TRERF1: variants seen among roughly 807,000 people sequenced by gnomAD.
TRERF1 encodes the protein transcriptional regulating factor 1, also known as transcriptional-regulating factor 1.
In TRERF1, 27 loss-of-function variants were observed where a neutral mutation model predicts 122.9. The observed-to-expected ratio is 0.22, with a 90% confidence interval of 0.16 to 0.30. The LOEUF (loss-of-function observed/expected upper bound fraction) is 0.30. Ranked by LOEUF, TRERF1 falls within the 10% of genes least tolerant of loss-of-function variation. The pLI, the probability that TRERF1 is intolerant of heterozygous loss-of-function variation, is 1.00. For synonymous variants in TRERF1, 636 were observed against 641.7 expected (o/e 0.99, Z 0.13); for missense variants, 1,248 against 1,560.3 (o/e 0.80, Z 3.37).
At chr6:42,260,369 T>G (rs901978632) in intron 8 of TRERF1, among the ~76,000 whole-genome samples, 11 of 152,222 alleles carry the variant, frequency 7.2e-5, no homozygotes, top group African/African-American at 2.6e-4. Context: ...CGTAGCTTAT[T>G]TGTAGCAAAC....
At chr6:42,280,307 G>A (rs983206099) in intron 4 of TRERF1, among the ~76,000 whole-genome samples, 1 of 152,188 alleles carries the variant, frequency 6.6e-6, no homozygotes, top group Non-Finnish European at 1.5e-5. Context: ...AGGACTTCCT[G>A]AGTCGCTCCC....
At chr6:42,340,305 C>A (rs1767005958) in intron 3 of TRERF1, among the ~76,000 whole-genome samples, 1 of 151,994 alleles carries the variant, frequency 6.6e-6, no homozygotes, top group African/African-American at 2.4e-5. Flanking sequence ...TGTTAAGTAC[C>A]CCCAAGACTA....
chr6:42,253,138 G>T (rs1394083136), intron 13 of TRERF1, among the ~76,000 whole-genome samples: 1 of 152,172 alleles, frequency 6.6e-6, no homozygotes, highest in African/African-American at 2.4e-5. Flanking sequence ...TTTGACTGGG[G>T]TGTGTGGCGC....
chr6:42,430,491 T>C (rs1434522229), intron 2 of TRERF1, among the ~76,000 whole-genome samples: 1 of 152,234 alleles, frequency 6.6e-6, no homozygotes, highest in Non-Finnish European at 1.5e-5. Flanking sequence ...GGCTCATGCC[T>C]GTAATCCCAG....
rs70987589 is a variant in TRERF1, at chr6:42,294,180, A to ATTTTT, written c.-259+6453_-259+6457dup. The stretch of plus-strand genomic sequence containing the variant: ...TAGGGGTAGCTCTAGCTATAATGTA[A>ATTTTT]TTTTTTTTTTTTTTTTTTTGAGACG... On this transcript the variant is annotated intron_variant, in intron 4 of 17. Coordinates refer to ENST00000372922, the Ensembl canonical transcript of TRERF1. Among the ~76,000 whole-genome samples the ATTTTT allele has an allele frequency of 5.1e-4, 66 of 129,144 alleles. 2 individuals carry two copies. Among genetic ancestry groups the ATTTTT allele is most frequent in the African/African-American group, 1.1e-3 (37 of 33,800 alleles). 84.7% of individuals were successfully genotyped at this position (129,144 alleles called of 152,430 possible). A position where few individuals can be genotyped will look rare whatever the true frequency, so the allele number is the denominator to read the frequency against.
intron 3 of TRERF1, among the ~76,000 whole-genome samples, chr6:42,321,576 CAAGT>C (rs1043831201): frequency 3.9e-4 from 60 of 152,264 alleles, no homozygotes; most frequent in African/African-American, 1.1e-3. Context: ...CAGCGTCATG[CAAGT>C]AAGTAAATAA....
At chr6:42,287,454 G>A (rs1211406201) in intron 4 of TRERF1, among the ~76,000 whole-genome samples, 1 of 152,058 alleles carries the variant, frequency 6.6e-6, no homozygotes, top group Non-Finnish European at 1.5e-5. Flanking sequence ...GGAGGAAGAG[G>A]CCCAAGTCCA....
At chr6:42,261,647 G>A (rs1401034816) in intron 8 of TRERF1, among the ~76,000 whole-genome samples, 1 of 152,180 alleles carries the variant, frequency 6.6e-6, no homozygotes, top group African/African-American at 2.4e-5. Context: ...CTGGCTAGGA[G>A]CCAAACTGAG....
chr6:42,307,464 T>C (rs1415976283), intron 3 of TRERF1, among the ~76,000 whole-genome samples: 1 of 152,128 alleles, frequency 6.6e-6, no homozygotes, highest in Non-Finnish European at 1.5e-5. Context: ...AATACAAAAT[T>C]CCACATTAAA....
chr6:42,325,165 C>T (rs961348986), intron 3 of TRERF1, among the ~76,000 whole-genome samples: 3 of 152,180 alleles, frequency 2.0e-5, no homozygotes, highest in Non-Finnish European at 4.4e-5. Flanking sequence ...TGCTCAACAT[C>T]GCTAATCATC....
intron 3 of TRERF1, among the ~76,000 whole-genome samples, chr6:42,358,753 G>T (rs1422347668): frequency 6.8e-6 from 1 of 147,468 alleles, no homozygotes; most frequent in African/African-American, 2.5e-5. Context: ...AAATAAAAAA[G>T]ACTGGGAGCC....
chr6:42,281,074 T>A (rs927891089), intron 4 of TRERF1, among the ~76,000 whole-genome samples: 2 of 152,128 alleles, frequency 1.3e-5, no homozygotes, highest in Non-Finnish European at 2.9e-5. Context: ...GGTCCTGCCC[T>A]TTCTGGGTTT....
intron 2 of TRERF1, among the ~76,000 whole-genome samples, chr6:42,409,392 C>T (rs1215846041): frequency 1.3e-5 from 2 of 152,120 alleles, no homozygotes; most frequent in Admixed American, 6.5e-5. Context: ...GCTTGCCTGC[C>T]TTGTTTGCTT....
intron 4 of TRERF1, among the ~76,000 whole-genome samples, chr6:42,289,329 T>C (rs550550296): frequency 7.1e-6 from 1 of 141,226 alleles, no homozygotes; most frequent in East Asian, 2.0e-4. Context: ...AGACTCTGTC[T>C]CAAAAAAAAC....
At chr6:42,408,321 GTA>G (rs368939129) in intron 2 of TRERF1, among the ~76,000 whole-genome samples, 194 of 114,070 alleles carry the variant, frequency 1.7e-3, no homozygotes, top group Non-Finnish European at 2.3e-3. Context: ...TCATGTGTGT[GTA>G]TATATATATA....
At chr6:42,277,901 A>G (rs1190027186) in intron 4 of TRERF1, among the ~76,000 whole-genome samples, 1 of 104,334 alleles carries the variant, frequency 9.6e-6, no homozygotes, top group Non-Finnish European at 1.9e-5. Flanking sequence ...GGAAGAAGGA[A>G]GAAGGAAGAA....
At chr6:42,284,467 ATG>A (rs1782842436) in intron 4 of TRERF1, among the ~76,000 whole-genome samples, 1 of 152,218 alleles carries the variant, frequency 6.6e-6, no homozygotes, top group Non-Finnish European at 1.5e-5. Flanking sequence ...ACAGTGAAAA[ATG>A]TGTCGCCTGT....
intron 13 of TRERF1, among the ~76,000 whole-genome samples, chr6:42,248,881 A>C (rs1156759722): frequency 6.6e-6 from 1 of 152,160 alleles, no homozygotes; most frequent in Non-Finnish European, 1.5e-5. Flanking sequence ...ACCATTCTTC[A>C]AATTCTGTCC....
At chr6:42,262,393 TTTG>T (rs1778105170) in intron 8 of TRERF1, among the ~76,000 whole-genome samples, 1 of 147,396 alleles carries the variant, frequency 6.8e-6, no homozygotes, top group African/African-American at 2.5e-5. Context: ...AGGGGGTAGG[TTTG>T]ATATTGCCAA....
Sources: gnomAD v4.1 joint callset for allele counts (sites outside exome capture counted in the v4.1 genomes callset) on GRCh38, gnomAD v4.1.1 for gene constraint, MANE v1.5 for transcripts, NCBI Gene and HGNC (gene_info 2026-07-23, HGNC 2026-07-21) for gene names.